Variants in ARHGAP22 observed in about 807,000 individuals in gnomAD.
ARHGAP22 encodes the protein rho GTPase-activating protein 22.
In ARHGAP22, 48 loss-of-function variants were observed where a neutral mutation model predicts 59.1. The observed-to-expected ratio is 0.81, with a 90% CI of 0.64 to 1.03. The LOEUF is 1.03. Ranked by LOEUF, ARHGAP22 falls within the 50% of genes least tolerant of loss-of-function variation. The pLI, the probability that ARHGAP22 is intolerant of heterozygous loss-of-function variation, is 0.00. For missense variants in ARHGAP22, 1,015 were observed against 958.7 expected, an observed-to-expected ratio of 1.06 and a Z score of -0.78; for synonymous variants, 445 against 416.4, an observed-to-expected ratio of 1.07 and a Z score of -0.84.
chr10:48,430,468 A>C, the ARHGAP22 span: 1 of 152,388 alleles, frequency 6.6e-6, no homozygotes, highest in South Asian at 2.1e-4. Context: ...TCTGATGATA[A>C]TATAAGTGAA....
intron 1 of ARHGAP22, among the ~76,000 whole-genome samples, chr10:48,586,901 G>A (rs1414321630): frequency 6.6e-6 from 1 of 152,144 alleles, no homozygotes; most frequent in Non-Finnish European, 1.5e-5. Context: ...CAGAGCTACT[G>A]GGCCCCCTTT....
intron 2 of ARHGAP22, among the ~76,000 whole-genome samples, chr10:48,569,301 A>T (rs2058254228): frequency 6.6e-6 from 1 of 152,198 alleles, no homozygotes; most frequent in Admixed American, 6.5e-5. Context: ...CATTTTGCTG[A>T]GGAAGGCACA....
chr10:48,636,010 T>G (rs1416979249), intron 1 of ARHGAP22, among the ~76,000 whole-genome samples: 1 of 152,210 alleles, frequency 6.6e-6, no homozygotes, highest in Non-Finnish European at 1.5e-5. Context: ...ATGTTGTTAT[T>G]TATTATTATT....
chr10:48,551,897 C>T (rs2056923959), intron 3 of ARHGAP22, among the ~76,000 whole-genome samples: 2 of 152,190 alleles, frequency 1.3e-5, no homozygotes, highest in South Asian at 4.1e-4. Flanking sequence ...TGTTGGAGGG[C>T]AATTTTAGTG....
upstream of ARHGAP22, among the ~76,000 whole-genome samples, chr10:48,655,022 CTTTCTTTCATT>C (rs2062733089): frequency 4.8e-5 from 3 of 62,194 alleles, 1 homozygote; most frequent in African/African-American, 1.8e-4. Flanking sequence ...TTCTTTCTTT[CTTTCTTTCATT>C]CTTTCTTTCT....
intron 4 of ARHGAP22, among the ~76,000 whole-genome samples, chr10:48,465,411 C>T (rs963624271): frequency 6.6e-6 from 1 of 152,282 alleles, no homozygotes; most frequent in Non-Finnish European, 1.5e-5. Context: ...AATCCGCGTC[C>T]TCTATGACCC....
chr10:48,605,483 A>G (rs144621749), upstream of ARHGAP22, among the ~76,000 whole-genome samples: 6 of 152,222 alleles, frequency 3.9e-5, no homozygotes, highest in East Asian at 1.2e-3. Flanking sequence ...TGTTAGGGAT[A>G]CTATTTATGC....
intron 3 of ARHGAP22, among the ~76,000 whole-genome samples, chr10:48,484,672 T>C (rs771121410): frequency 1.8e-4 from 28 of 152,252 alleles, no homozygotes; most frequent in Non-Finnish European, 3.7e-4. Flanking sequence ...CATCTATTTC[T>C]TCTTGAGTAA....
intron 3 of ARHGAP22, among the ~76,000 whole-genome samples, chr10:48,542,772 G>A (rs893363177): frequency 6.6e-6 from 1 of 152,194 alleles, no homozygotes; most frequent in African/African-American, 2.4e-5. Flanking sequence ...CCCAATCCAG[G>A]TGCCTAGTGC....
Position 48,503,203 on chromosome 10 carries a change from GA to G in ARHGAP22, c.323-23440del, listed in dbSNP as rs151144799. Among the ~76,000 whole-genome samples, 1,281 of 152,306 alleles carry G rather than the reference GA, an allele frequency of 8.4e-3. 19 individuals are homozygous for G. Among genetic ancestry groups the G allele is most frequent in the African/African-American group, 0.029 (1,199 of 41,558 alleles). On this transcript the variant is annotated intron_variant, in intron 3 of 9. Coordinates refer to ENST00000249601, the MANE Select transcript of ARHGAP22 (RefSeq NM_021226.4). ...AGTTAAAACAGCAGCATGTTAAATG[GA>G]ATATGTTAACTGTCAGCTGAAGACC...
chr10:48,431,767 A>C, the ARHGAP22 span, among the ~76,000 whole-genome samples: 1 of 152,162 alleles, frequency 6.6e-6, no homozygotes, highest in Non-Finnish European at 1.5e-5. Flanking sequence ...AGGAGTTAAA[A>C]CTTTTTTTTA....
Position 48,550,853 on chromosome 10 carries a change from G to A in ARHGAP22, c.322+4610C>T, listed in dbSNP as rs142559774. Among the ~76,000 whole-genome samples the A allele has an allele frequency of 5.8e-3, 890 of 152,208 alleles. 2 individuals are homozygous for A. The highest frequency in any genetic ancestry group is 9.7e-3 in the Non-Finnish European group (659 of 68,020). ...TCACTTCCTACCTTCCCTTTGAGTC[G>A]TTGCTCACTTGGTGATTTTCCCAGG... On this transcript the variant is annotated intron_variant, in intron 3 of 9. Transcript: ENST00000249601.
At chr10:48,646,577 G>C (rs2062307447) in intron 1 of ARHGAP22, among the ~76,000 whole-genome samples, 1 of 152,114 alleles carries the variant, frequency 6.6e-6, no homozygotes, top group Admixed American at 6.5e-5. Flanking sequence ...CAATTCAGTG[G>C]GGAAAGGAAA....
intron 3 of ARHGAP22, among the ~76,000 whole-genome samples, chr10:48,508,956 T>G (rs1387538768): frequency 2.6e-5 from 4 of 152,254 alleles, no homozygotes; most frequent in Non-Finnish European, 5.9e-5. Flanking sequence ...GAGATGCAGT[T>G]GGTGAGGATA....
chr10:48,590,842 C>T (rs2059708514), intron 1 of ARHGAP22, among the ~76,000 whole-genome samples: 1 of 137,998 alleles, frequency 7.2e-6, no homozygotes, highest in Admixed American at 7.3e-5. Flanking sequence ...AAATTCAGCG[C>T]ATGGGCAGGG....
At chr10:48,584,911 C>T (rs911976506) in intron 1 of ARHGAP22, among the ~76,000 whole-genome samples, 3 of 151,322 alleles carry the variant, frequency 2.0e-5, no homozygotes, top group Admixed American at 6.6e-5. Context: ...GGAGAATGGC[C>T]TGAATCCGGG....
intron 2 of ARHGAP22, among the ~76,000 whole-genome samples, chr10:48,582,301 A>G (rs1323922549): frequency 2.0e-5 from 3 of 152,140 alleles, no homozygotes; most frequent in Non-Finnish European, 2.9e-5. Context: ...TCTGAAACCC[A>G]TCACAGGGAC....
chr10:48,520,051 C>A (rs575824937), intron 3 of ARHGAP22, among the ~76,000 whole-genome samples: 3 of 152,156 alleles, frequency 2.0e-5, no homozygotes, highest in Admixed American at 2.0e-4. Flanking sequence ...GGCAGGAGCA[C>A]AGGAGCCATC....
upstream of ARHGAP22, among the ~76,000 whole-genome samples, chr10:48,653,111 T>C (rs74134006): frequency 0.021 from 3,271 of 152,346 alleles, 119 homozygotes; most frequent in African/African-American, 0.074. Flanking sequence ...GAGGGCAGCA[T>C]TGATTCAGAT....
Sources: allele counts gnomAD v4.1 joint callset (sites outside exome capture counted in the v4.1 genomes callset), GRCh38; gene constraint gnomAD v4.1.1; transcripts MANE v1.5; gene names NCBI Gene and HGNC (gene_info 2026-07-23, HGNC 2026-07-21).